Variants in KCNJ10 observed in about 807,000 individuals in gnomAD.
KCNJ10 encodes the protein potassium inwardly rectifying channel subfamily J member 10.
A neutral mutation model predicts 22.2 loss-of-function variants in KCNJ10; 9 were observed. The observed-to-expected ratio is 0.40, with a 90% CI of 0.24 to 0.71. The LOEUF is 0.71. Among genes scored for constraint, KCNJ10 ranks in the 30% least tolerant of loss-of-function variants. The probability of loss-of-function intolerance (pLI) is 0.35; values close to 1 mark genes in which losing one functional copy is unlikely to be tolerated. For missense variants in KCNJ10, 337 were observed against 482.7 expected, an observed-to-expected ratio of 0.70 and a Z score of 2.83; for synonymous variants, 184 against 187.3, an observed-to-expected ratio of 0.98 and a Z score of 0.15.
intron 1 of KCNJ10, among the ~76,000 whole-genome samples, chr1:160,060,952 C>T (rs929921791): frequency 3.3e-5 from 5 of 152,102 alleles, no homozygotes; most frequent in Non-Finnish European, 5.9e-5. Flanking sequence ...GGAGTGGGGC[C>T]GGTAGGAGGG....
intron 1 of KCNJ10, among the ~76,000 whole-genome samples, chr1:160,060,181 C>T (rs1394731999): frequency 6.6e-6 from 1 of 152,062 alleles, no homozygotes; most frequent in Non-Finnish European, 1.5e-5. Context: ...ATCCACATTC[C>T]TCCCTTAAGA....
chr1:160,045,067 C>T (rs1041758708), intron 1 of KCNJ10, among the ~76,000 whole-genome samples: 4 of 152,134 alleles, frequency 2.6e-5, no homozygotes, highest in Admixed American at 6.5e-5. Flanking sequence ...ATTGACAAAT[C>T]GAAGAAGTGC....
intron 1 of KCNJ10, among the ~76,000 whole-genome samples, chr1:160,051,620 G>A (rs1484656224): frequency 1.3e-5 from 2 of 152,084 alleles, no homozygotes; most frequent in Non-Finnish European, 2.9e-5. Context: ...CATAGTGGAG[G>A]TTAGCAGGAG....
At chr1:160,057,119 C>T (rs1460815757) in intron 1 of KCNJ10, among the ~76,000 whole-genome samples, 8 of 152,176 alleles carry the variant, frequency 5.3e-5, no homozygotes, top group African/African-American at 1.9e-4. Flanking sequence ...AAACCTTCCA[C>T]TATGTGGTCA....
intron 1 of KCNJ10, among the ~76,000 whole-genome samples, chr1:160,056,602 T>TG: frequency 6.6e-6 from 1 of 152,332 alleles, no homozygotes; most frequent in South Asian, 2.1e-4. Flanking sequence ...TAGAAATAGT[T>TG]ACTCTCCCTC....
intron 1 of KCNJ10, among the ~76,000 whole-genome samples, chr1:160,050,527 T>C (rs1648877674): frequency 6.6e-6 from 1 of 152,088 alleles, no homozygotes; most frequent in Non-Finnish European, 1.5e-5. Flanking sequence ...ATTCTTTCCG[T>C]GAAGACCTTG....
chr1:160,037,803 A>T lies in KCNJ10; in HGVS notation c.*3590T>A, dbSNP rs1348845839. The T allele has an allele frequency of 6.6e-6, 1 of 152,326 alleles. No homozygotes were observed. The highest frequency in any genetic ancestry group is 2.4e-5 in the African/African-American group (1 of 41,390). 9.4% of individuals were successfully genotyped at this position (152,326 alleles called of 1,614,324 possible). A position where few individuals can be genotyped will look rare whatever the true frequency, so the allele number is the denominator to read the frequency against. The stretch of plus-strand genomic sequence containing the variant: ...TAACTGGCTTTCTTTCTCTGCTCAG[A>T]CCTTATAGGGAAACTACTGGATGAT... On this transcript the variant is annotated 3_prime_UTR_variant, in exon 2 of 2. Transcript: ENST00000644903.
intron 1 of KCNJ10, among the ~76,000 whole-genome samples, chr1:160,064,517 A>C (rs1384659641): frequency 6.6e-6 from 1 of 152,250 alleles, no homozygotes; most frequent in Non-Finnish European, 1.5e-5. Context: ...TTTTGTTAAC[A>C]TGCAAAAATT....
At position 160,042,526 on chromosome 1, in the gene KCNJ10, A is replaced by G. The variant is rs72704720; in HGVS notation, c.7T>C (p.Ser3Pro). Residue 3 changes from serine (S) to proline (P), a missense_variant, in exon 2 of 2, where the codon TCA becomes CCA. This residue lies in a region of KCNJ10 where 107 missense variants were observed against 135.2 expected (regional missense o/e 0.79). Transcript: ENST00000644903. ...TGACTGTAATACACCTTGGCAACTGACGTCATCTGGAGGGAGCAAGACAGC... is the reference window on the plus strand; with the variant it reads ...TGACTGTAATACACCTTGGCAACTGGCGTCATCTGGAGGGAGCAAGACAGC... MT[S>P]VAKVYYSQTT... 2 of 1,613,984 alleles carry G rather than the reference A, an allele frequency of 1.2e-6. No individual in the cohort carries two copies. Among genetic ancestry groups the G allele is most frequent in the Non-Finnish European group, 1.7e-6 (2 of 1,180,020 alleles).
intron 1 of KCNJ10, among the ~76,000 whole-genome samples, chr1:160,042,752 C>T (rs748558330): frequency 6.6e-6 from 1 of 152,112 alleles, no homozygotes; most frequent in Non-Finnish European, 1.5e-5. Flanking sequence ...GCCTGGCCAA[C>T]AAGGCAAAAC....
intron 1 of KCNJ10, among the ~76,000 whole-genome samples, chr1:160,067,040 C>T (rs1422678904): frequency 6.6e-6 from 1 of 152,188 alleles, no homozygotes; most frequent in Non-Finnish European, 1.5e-5. Context: ...CATGTATACC[C>T]TTTCTGTGCT....
At chr1:160,062,249 A>C (rs1287574518) in intron 1 of KCNJ10, among the ~76,000 whole-genome samples, 1 of 151,924 alleles carries the variant, frequency 6.6e-6, no homozygotes. Context: ...CCCTCCGGAC[A>C]CTGGGGCGAA....
rs760522990 is a variant in KCNJ10 at position 160,041,610 on chromosome 1, C to T, written c.923G>A (p.Gly308Asp). Residue 308 changes from glycine (G) to aspartate (D), a missense_variant, in exon 2 of 2, where the codon GGC (glycine) becomes GAC (aspartate). Around this residue, in one of 3 missense-constraint regions of KCNJ10, gnomAD observed 165 missense variants for 281.5 expected, o/e 0.59. Transcript: ENST00000644903. This position sits in a 1 kb window ranked among gnomAD's most constrained non-coding sequence, Gnocchi z 4.4. ...TGAGATGGCAGGTGTGAACTCGTAG[C>T]CCCAAAGGATCTCCTCTGGCAGGTA... is the stretch of plus-strand genomic sequence containing the variant. ...TSYLPEEILW[G>D]YEFTPAISLS... The T allele has an allele frequency of 6.2e-7, 1 of 1,614,132 alleles. No homozygotes were observed. The highest frequency in any genetic ancestry group is 1.7e-5 in the Admixed American group (1 of 60,014).
intron 1 of KCNJ10, among the ~76,000 whole-genome samples, chr1:160,052,904 TG>T (rs1648936573): frequency 6.6e-6 from 1 of 152,246 alleles, no homozygotes; most frequent in Admixed American, 6.5e-5. Flanking sequence ...TTATCAATTT[TG>T]CTCAGATTTT....
chr1:160,067,928 C>G (rs1649359631), intron 1 of KCNJ10: 1 of 152,152 alleles, frequency 6.6e-6, no homozygotes, highest in African/African-American at 2.4e-5. Flanking sequence ...CCAAGTGTCC[C>G]AGCCTCTCTG....
chr1:160,042,538 G>A lies in KCNJ10; in HGVS notation c.1-6C>T. The A allele has an allele frequency of 6.2e-7, 1 of 1,613,470 alleles. No homozygotes were observed. Among genetic ancestry groups the A allele is most frequent in the Non-Finnish European group, 8.5e-7 (1 of 1,179,806 alleles). On this transcript the variant is annotated splice_region_variant and splice_polypyrimidine_tract_variant and intron_variant, in intron 1 of 1. Coordinates refer to ENST00000644903, the MANE Select transcript of KCNJ10 (RefSeq NM_002241.5). Reference sequence around the variant, plus strand: ...ACCTTGGCAACTGACGTCATCTGGAGGGAGCAAGACAGCATAATGGAGGTT... The same window carrying A: ...ACCTTGGCAACTGACGTCATCTGGAAGGAGCAAGACAGCATAATGGAGGTT...
At chr1:160,060,067 G>T (rs75621131) in intron 1 of KCNJ10, among the ~76,000 whole-genome samples, 3,827 of 152,186 alleles carry the variant, frequency 0.025, 47 homozygotes, top group Middle Eastern at 0.058. Context: ...CCTGTTCCCT[G>T]CATGAAGAGC....
Position 160,041,840 on chromosome 1 carries a change from G to A in KCNJ10, c.693C>T (p.Leu231=), listed in dbSNP as rs779532834. 3 of 1,614,234 alleles carry A rather than the reference G, an allele frequency of 1.9e-6. No individual in the cohort carries two copies. Among genetic ancestry groups the A allele is most frequent in the Non-Finnish European group, 2.5e-6 (3 of 1,180,040 alleles). ...HQTKEGENIR[L]NQVNVTFQVD... Reference sequence around the variant, plus strand: ...CTTGGAAAGTCACATTGACCTGGTTGAGCCGGATGTTCTCCCCTTCCTTGG... The same window carrying A: ...CTTGGAAAGTCACATTGACCTGGTTAAGCCGGATGTTCTCCCCTTCCTTGG... Residue 231 remains leucine (L), a synonymous_variant, in exon 2 of 2, where the codon CTC becomes CTT. Transcript: ENST00000644903. This position sits in a 1 kb window ranked among gnomAD's most constrained non-coding sequence, Gnocchi z 4.4.
chr1:160,069,624 G>A (rs1302360353), intron 1 of KCNJ10, among the ~76,000 whole-genome samples: 1 of 152,182 alleles, frequency 6.6e-6, no homozygotes, highest in Non-Finnish European at 1.5e-5. Context: ...AGTGGGGGAG[G>A]GGCTGGGGAT....
Sources: allele counts gnomAD v4.1 joint callset (sites outside exome capture counted in the v4.1 genomes callset), GRCh38; gene constraint gnomAD v4.1.1; regional missense constraint gnomAD v4.1.1; non-coding constraint Gnocchi (gnomAD v3.1); transcripts MANE v1.5; gene names NCBI Gene and HGNC (gene_info 2026-07-23, HGNC 2026-07-21).